Variants in MYO10 observed in about 807,000 individuals in gnomAD.
MYO10 encodes the protein myosin X.
MYO10 carries 133 observed loss-of-function variants against 257.3 expected under a neutral mutation model. The observed-to-expected ratio is 0.52, with a 90% confidence interval of 0.45 to 0.60. MYO10 has a LOEUF of 0.60. Among genes scored for constraint, MYO10 ranks in the 20% least tolerant of loss-of-function variants. The pLI, the probability that MYO10 is intolerant of heterozygous loss-of-function variation, is 0.00. For synonymous variants in MYO10, 1,104 were observed against 1,028.6 expected (o/e 1.07, Z -1.40); for missense variants, 2,399 against 2,635.7 (o/e 0.91, Z 1.97).
chr5:16,909,945 C>T (rs964560218), intron 1 of MYO10, among the ~76,000 whole-genome samples: 1 of 152,156 alleles, frequency 6.6e-6, no homozygotes, highest in Non-Finnish European at 1.5e-5. Flanking sequence ...GGAGACTCCT[C>T]TTTGGCTTTT....
chr5:16,907,527 T>A (rs771875943), intron 1 of MYO10, among the ~76,000 whole-genome samples: 1 of 152,098 alleles, frequency 6.6e-6, no homozygotes, highest in Non-Finnish European at 1.5e-5. Flanking sequence ...AAAAAAAGGT[T>A]ACACAAAAGG....
chr5:16,720,184 G>A (rs183208512), intron 19 of MYO10, among the ~76,000 whole-genome samples: 288 of 152,154 alleles, frequency 1.9e-3, no homozygotes, highest in African/African-American at 6.5e-3. Context: ...TAGAGAGCCC[G>A]AGATCTGGCA....
chr5:16,801,932 G>A (rs1189839672), intron 3 of MYO10, among the ~76,000 whole-genome samples: 5 of 152,032 alleles, frequency 3.3e-5, no homozygotes, highest in South Asian at 2.1e-4. Flanking sequence ...TCCATACAAC[G>A]GAATTATTCA....
intron 1 of MYO10, among the ~76,000 whole-genome samples, chr5:16,905,212 G>A (rs1212584460): frequency 1.3e-5 from 2 of 152,160 alleles, no homozygotes; most frequent in Non-Finnish European, 2.9e-5. Flanking sequence ...GGCTTCCCAA[G>A]CTTCTGAAGG....
At position 16,884,803 on chromosome 5, in the gene MYO10, C is replaced by A. The variant is rs148208716; in HGVS notation, c.22-7096G>T. Among the ~76,000 whole-genome samples, 21 of 152,094 alleles carry A rather than the reference C, an allele frequency of 1.4e-4. No individual in the cohort carries two copies. The East Asian group carries it at 3.9e-3, about 28-fold the overall frequency. The stretch of plus-strand genomic sequence containing the variant: ...AGTTGTAATACAAGTTTCTCCACCT[C>A]GGTGCTATTGACATTGTGGACTAGA... On this transcript the variant is annotated intron_variant, in intron 1 of 40. Transcript: ENST00000513610.
At chr5:16,737,014 T>C (rs1739831186) in intron 19 of MYO10, among the ~76,000 whole-genome samples, 1 of 152,192 alleles carries the variant, frequency 6.6e-6, no homozygotes, top group Non-Finnish European at 1.5e-5. Flanking sequence ...GCCAAACGGC[T>C]AAAAGCTGAA....
chr5:16,934,834 A>C (rs1257502123), intron 1 of MYO10, among the ~76,000 whole-genome samples: 1 of 152,248 alleles, frequency 6.6e-6, no homozygotes, highest in African/African-American at 2.4e-5. Flanking sequence ...GCTAACACAG[A>C]GGCAAGCCCT....
rs942999059 is a variant in MYO10 at position 16,679,844 on chromosome 5, T to C, written c.4542+103A>G. The C allele has an allele frequency of 5.6e-6, 8 of 1,439,660 alleles. No homozygotes were observed. In the African/African-American group the frequency reaches 8.5e-5, roughly 15 times the overall value. The allele number at this position is 1,439,660 out of a possible 1,614,324, so 89.2% of individuals were successfully genotyped here. A position where few individuals can be genotyped will look rare whatever the true frequency, so the allele number is the denominator to read the frequency against. On this transcript the variant is annotated intron_variant, in intron 33 of 40. Coordinates refer to ENST00000513610, the MANE Select transcript of MYO10 (RefSeq NM_012334.3). ...CGGCCAACCAAGCACTAGTTTTGAT[T>C]ACAGAAAAAAAACTGAGCTTCACTA...
intron 2 of MYO10, among the ~76,000 whole-genome samples, chr5:16,825,778 G>A (rs1219715364): frequency 6.6e-6 from 1 of 152,216 alleles, no homozygotes; most frequent in Non-Finnish European, 1.5e-5. Flanking sequence ...GAGCCCAGGA[G>A]GCGGACATTG....
At chr5:16,671,249 T>A (rs2126463780) in intron 38 of MYO10, among the ~76,000 whole-genome samples, 173 bp downstream of exon 38, 1 of 152,334 alleles carries the variant, frequency 6.6e-6, no homozygotes. Context: ...TCAAATAAAA[T>A]GTGTAGCAGG....
At chr5:16,910,680 G>A (rs152342) in intron 1 of MYO10, among the ~76,000 whole-genome samples, 57,516 of 151,916 alleles carry the variant, frequency 0.38, 11,170 homozygotes, top group East Asian at 0.57. Flanking sequence ...ATTCCCTAGC[G>A]ACCCTGCGGG....
At position 16,689,824 on chromosome 5, in the gene MYO10, C is replaced by T. The variant is rs1327579007; in HGVS notation, c.3896G>A (p.Ser1299Asn). 6 of 1,609,924 alleles carry T rather than the reference C, an allele frequency of 3.7e-6. No individual in the cohort carries two copies. Among genetic ancestry groups the T allele is most frequent in the Non-Finnish European group, 4.3e-6 (5 of 1,176,332 alleles). ...HLIAESPEDA[S>N]QWFSVLSQVH... ...CACAAAGTCAACAGCGCAGACTCAC[C>T]TGGCATCTTCTGGGGACTCTGCAAT... is the stretch of plus-strand genomic sequence containing the variant. The change falls in exon 28 of 41, where the codon AGC becomes AAC. Residue 1299 changes from serine (S) to asparagine (N), a missense_variant and splice_region_variant. Ser to Asn is a conservative substitution (Grantham distance 46). This residue lies in a region of MYO10 where 1,820 missense variants were observed against 1,939.4 expected (regional missense o/e 0.94). Coordinates refer to ENST00000513610, the MANE Select transcript of MYO10 (RefSeq NM_012334.3).
Position 16,754,918 on chromosome 5 carries a change from A to AG in MYO10, c.1849-11_1849-10insC. 1 of 1,548,610 alleles carries AG rather than the reference A, an allele frequency of 6.5e-7. No homozygotes were observed. The highest frequency in any genetic ancestry group is 1.4e-5 in the African/African-American group (1 of 73,778). ...AGGAATGCAGTGAGTCCTATTAGAA[A>AG]AAGTATATGTTGATTTAGTCTCTTA... is the stretch of plus-strand genomic sequence containing the variant. On this transcript the variant is annotated splice_polypyrimidine_tract_variant and intron_variant, in intron 18 of 40. Transcript: ENST00000513610.
At chr5:16,848,024 C>T (rs1204384586) in intron 2 of MYO10, among the ~76,000 whole-genome samples, 1 of 152,090 alleles carries the variant, frequency 6.6e-6, no homozygotes, top group East Asian at 1.9e-4. Context: ...CAAATGAAAA[C>T]AGCAACCACA....
chr5:16,907,862 C>G (rs551460501), intron 1 of MYO10, among the ~76,000 whole-genome samples: 2 of 152,312 alleles, frequency 1.3e-5, no homozygotes, highest in South Asian at 4.1e-4. Context: ...TTCAACTTTA[C>G]TGGAAAATGT....
intron 19 of MYO10, among the ~76,000 whole-genome samples, chr5:16,726,848 C>A (rs187209279): frequency 1.3e-5 from 2 of 152,314 alleles, no homozygotes; most frequent in Admixed American, 1.3e-4. Context: ...CAGCCATATC[C>A]GGCCTGCCAC....
In MYO10 at chr5:16,701,580, G is replaced by C; in HGVS notation, c.2815C>G (p.Gln939Glu). ...RLEEEACRAA[Q>E]EFLESLNFDE... ...AAATTGAGGGACTCGAGGAACTCCT[G>C]GGCCGCCCTGCACGCTTCCTCCTCC... Residue 939 changes from glutamine to glutamate, a missense_variant, in exon 25 of 41, where the codon CAG (glutamine) becomes GAG (glutamate). Gln to Glu is a conservative substitution (Grantham distance 29). Transcript: ENST00000513610. This position sits in a 1 kb window ranked among gnomAD's most constrained non-coding sequence, Gnocchi z 8.1. 6.2e-7 allele frequency: 1 copy of C among 1,613,766 alleles called. No individual in the cohort carries two copies. Among genetic ancestry groups the C allele is most frequent in the Non-Finnish European group, 8.5e-7 (1 of 1,179,860 alleles).
intron 1 of MYO10, among the ~76,000 whole-genome samples, chr5:16,886,463 C>A (rs992475689): frequency 1.1e-4 from 16 of 152,200 alleles, no homozygotes; most frequent in Non-Finnish European, 1.5e-5. Flanking sequence ...AGAATTCCGA[C>A]ATAATTTCTT....
At chr5:16,829,836 G>A (rs546926896) in intron 2 of MYO10, among the ~76,000 whole-genome samples, 59 of 152,148 alleles carry the variant, frequency 3.9e-4, no homozygotes, top group South Asian at 3.3e-3. Flanking sequence ...AACTTAAGAG[G>A]AAAAAGTTAA....
Sources: allele counts gnomAD v4.1 joint callset (sites outside exome capture counted in the v4.1 genomes callset), GRCh38; gene constraint gnomAD v4.1.1; regional missense constraint gnomAD v4.1.1; non-coding constraint Gnocchi (gnomAD v3.1); transcripts MANE v1.5; gene names NCBI Gene and HGNC (gene_info 2026-07-23, HGNC 2026-07-21).